Variants in TBC1D14 observed in about 807,000 individuals in gnomAD.
The protein encoded by TBC1D14 is TBC1 domain family member 14, also known as TBC1 domain family, member 14.
Under a neutral mutation model 79.0 loss-of-function variants are expected in TBC1D14, and 26 were observed. The observed-to-expected ratio is 0.33, with a 90% CI of 0.24 to 0.46. TBC1D14 has a LOEUF of 0.46. TBC1D14 is among the 20% of genes least tolerant of loss of function. TBC1D14 has a pLI of 1.00. For synonymous variants in TBC1D14, 394 were observed against 349.9 expected, an observed-to-expected ratio of 1.13 and a Z score of -1.40; for missense variants, 769 against 887.6, an observed-to-expected ratio of 0.87 and a Z score of 1.70.
At chr4:7,024,103 G>A (rs6825281) in intron 12 of TBC1D14, among the ~76,000 whole-genome samples, 45,514 of 152,128 alleles carry the variant, frequency 0.3, 6,935 homozygotes, top group East Asian at 0.37. Flanking sequence ...CCCGGCCGGA[G>A]TCCACTGTGG....
chr4:7,030,355 G>T lies in TBC1D14; in HGVS notation c.2045G>T (p.Arg682Leu). The change falls in exon 14 of 14, where the codon CGG becomes CTG. Residue 682 changes from arginine to leucine, a missense_variant. Arg to Leu is a moderately radical substitution (Grantham distance 102, BLOSUM62 -2). Transcript: ENST00000409757. ...QVLTALQKDS[R>L]EMEKGSPSLR... is the part of the protein sequence containing the mutation. ...CTGACTGCATTGCAGAAAGACAGCC[G>T]GGAAATGGAGAAGGGAAGTCCGTCC... The T allele has an allele frequency of 1.2e-6, 2 of 1,613,994 alleles. No homozygotes were observed. The highest frequency in any genetic ancestry group is 1.7e-6 in the Non-Finnish European group (2 of 1,179,902).
intron 3 of TBC1D14, chr4:6,987,060 T>C: frequency 1.9e-6 from 1 of 513,924 alleles, no homozygotes; most frequent in Middle Eastern, 8.3e-4. Flanking sequence ...GGTGGGGCCG[T>C]ACCACGGGGA....
At position 6,949,761 on chromosome 4, in the gene TBC1D14, G is replaced by T. The variant is rs187478942; in HGVS notation, c.723-17543G>T. 4.9e-3 allele frequency among the ~76,000 whole-genome samples: 669 copies of T among 136,664 alleles called. 3 individuals are homozygous for T. Among genetic ancestry groups the T allele is most frequent in the African/African-American group, 0.017 (644 of 37,396 alleles). 89.7% of individuals were successfully genotyped at this position (136,664 alleles called of 152,430 possible). ...CTCCACATTTCGTAGTTTTGTTTTT[G>T]TTTTTTTTTTTAATGTAAAGGTCTT... On this transcript the variant is annotated intron_variant, in intron 2 of 13. Transcript: ENST00000409757.
At chr4:6,993,933 C>T (rs1359900040) in intron 3 of TBC1D14, among the ~76,000 whole-genome samples, 1 of 152,154 alleles carries the variant, frequency 6.6e-6, no homozygotes, top group Non-Finnish European at 1.5e-5. Flanking sequence ...TCGCTTGAAC[C>T]GAGGAGGTGG....
chr4:7,024,706 C>G lies in TBC1D14; in HGVS notation c.1758-298C>G, dbSNP rs143492441. The stretch of plus-strand genomic sequence containing the variant: ...TACAGCGGCCCCTAAGACAGGATGC[C>G]TGCCCCCACAGCGTGAGCACACAGT... On this transcript the variant is annotated intron_variant, in intron 12 of 13. Coordinates refer to ENST00000409757, the MANE Select transcript of TBC1D14 (RefSeq NM_020773.3). Among the ~76,000 whole-genome samples, 947 of 152,338 alleles carry G rather than the reference C, an allele frequency of 6.2e-3. 13 individuals are homozygous for G. Among genetic ancestry groups the G allele is most frequent in the African/African-American group, 0.021 (875 of 41,576 alleles).
intron 7 of TBC1D14, among the ~76,000 whole-genome samples, chr4:7,002,221 G>A (rs1442938508): frequency 6.6e-6 from 1 of 152,178 alleles, no homozygotes; most frequent in Non-Finnish European, 1.5e-5. Context: ...ACTCCCTCTT[G>A]GCTAAATCCA....
intron 1 of TBC1D14, among the ~76,000 whole-genome samples, chr4:6,921,604 C>T (rs139329526): frequency 0.012 from 1,876 of 152,044 alleles, 14 homozygotes; most frequent in Middle Eastern, 0.038. Flanking sequence ...TGGCCCACTG[C>T]AACCTCCACC....
chr4:6,954,398 A>C (rs1577079954), intron 2 of TBC1D14: 2 of 717,394 alleles, frequency 2.8e-6, no homozygotes, highest in East Asian at 5.4e-5. Context: ...CTGGAAGCAG[A>C]GTCTTTCCTG....
In TBC1D14 at chr4:7,030,447, T is replaced by C; in HGVS notation, c.*55T>C. The C allele has an allele frequency of 6.3e-7, 1 of 1,588,692 alleles. No homozygotes were observed. Among genetic ancestry groups the C allele is most frequent in the Non-Finnish European group, 8.6e-7 (1 of 1,158,430 alleles). On this transcript the variant is annotated 3_prime_UTR_variant, in exon 14 of 14. Coordinates refer to ENST00000409757, the MANE Select transcript of TBC1D14 (RefSeq NM_020773.3). ...AATCAGAGCCCCATGCCGCGGCCCC[T>C]CTGTTGTTTCAGACTGACACCCGGG... is the stretch of plus-strand genomic sequence containing the variant.
intron 2 of TBC1D14, among the ~76,000 whole-genome samples, chr4:6,939,886 G>C (rs988215827): frequency 6.6e-6 from 1 of 152,218 alleles, no homozygotes; most frequent in African/African-American, 2.4e-5. Flanking sequence ...GTGTTCTTCC[G>C]AAGGACACAG....
At chr4:6,948,900 A>G (rs1276448170) in intron 2 of TBC1D14, among the ~76,000 whole-genome samples, 1 of 150,800 alleles carries the variant, frequency 6.6e-6, no homozygotes, top group East Asian at 2.0e-4. Context: ...GGGTTTCACC[A>G]TGTTGGCCAT....
chr4:6,987,218 C>T lies in TBC1D14; in HGVS notation c.844-6966C>T, dbSNP rs1408623855. 4.0e-6 allele frequency: 5 copies of T among 1,241,890 alleles called. No individual in the cohort carries two copies. The African/African-American group carries it at 6.3e-5, about 16-fold the overall frequency. The allele number at this position is 1,241,890 out of a possible 1,614,324, so 76.9% of individuals were successfully genotyped here. A position where few individuals can be genotyped will look rare whatever the true frequency, so the allele number is the denominator to read the frequency against. On this transcript the variant is annotated intron_variant, in intron 3 of 13. Coordinates refer to ENST00000409757, the MANE Select transcript of TBC1D14 (RefSeq NM_020773.3). ...GATTGAGCGGCCTGCCGCCCCGCCC[C>T]GCCCCGCGAGTCTGAGGAGCCGCCG...
chr4:6,957,452 C>T (rs187393598), intron 2 of TBC1D14, among the ~76,000 whole-genome samples: 2 of 152,290 alleles, frequency 1.3e-5, no homozygotes, highest in South Asian at 2.1e-4. Context: ...TGGCATGGTA[C>T]GGCGTCTCCT....
intron 12 of TBC1D14, among the ~76,000 whole-genome samples, chr4:7,022,101 G>A: frequency 6.6e-6 from 1 of 152,276 alleles, no homozygotes. Context: ...GCACCTCTGA[G>A]CAGTCCCTGC....
At position 7,032,813 on chromosome 4, in the gene TBC1D14, G is replaced by GTC. The variant is rs1208622925; in HGVS notation, c.*2423_*2424dup. 2.0e-5 allele frequency: 3 copies of GTC among 152,246 alleles called. No homozygotes were observed. The highest frequency in any genetic ancestry group is 4.4e-5 in the Non-Finnish European group (3 of 68,044). The allele number at this position is 152,246 out of a possible 1,614,324, so 9.4% of individuals were successfully genotyped here. On this transcript the variant is annotated 3_prime_UTR_variant, in exon 14 of 14. Transcript: ENST00000409757. ...ACTTCACATGCCGTTGACTCTCACA[G>GTC]TCTAAGACTTCAGGGCCGGGACCTT...
At chr4:6,939,326 C>G (rs963282981) in intron 2 of TBC1D14, among the ~76,000 whole-genome samples, 14 of 151,382 alleles carry the variant, frequency 9.2e-5, no homozygotes, top group African/African-American at 3.4e-4. Flanking sequence ...CACAGGAGCC[C>G]CCCCCAGGAA....
chr4:7,024,203 G>A (rs1722108557), intron 12 of TBC1D14, among the ~76,000 whole-genome samples: 1 of 152,192 alleles, frequency 6.6e-6, no homozygotes, highest in Admixed American at 6.5e-5. Flanking sequence ...GGGTCACACT[G>A]TGGAAGCTTT....
At chr4:6,955,471 C>T (rs1438811490) in intron 2 of TBC1D14, among the ~76,000 whole-genome samples, 2 of 152,084 alleles carry the variant, frequency 1.3e-5, no homozygotes, top group Non-Finnish European at 2.9e-5. Context: ...ACTAGGCAGG[C>T]ACCTGATAGT....
At chr4:6,987,669 G>T (rs571725334) in intron 3 of TBC1D14, 4 of 328,000 alleles carry the variant, frequency 1.2e-5, no homozygotes, top group Admixed American at 4.9e-5. Flanking sequence ...TCCTTACCCT[G>T]TTTTCAGAGC....
Sources: gnomAD v4.1 joint callset for allele counts (sites outside exome capture counted in the v4.1 genomes callset) on GRCh38, gnomAD v4.1.1 for gene constraint, MANE v1.5 for transcripts, NCBI Gene and HGNC (gene_info 2026-07-23, HGNC 2026-07-21) for gene names.